The following ARHGAP31 variants were observed in gnomAD, a reference collection of about 807,000 sequenced individuals.
ARHGAP31 encodes the protein rho GTPase-activating protein 31.
A neutral mutation model predicts 113.9 loss-of-function variants in ARHGAP31; 34 were observed. The ratio of observed to expected loss-of-function variants is 0.30; its 90% confidence interval spans 0.23 to 0.40. ARHGAP31 has a LOEUF of 0.40. Ranked by LOEUF, ARHGAP31 falls within the 10% of genes least tolerant of loss-of-function variation. The probability of loss-of-function intolerance (pLI) is 1.00; values close to 1 mark genes in which losing one functional copy is unlikely to be tolerated. For missense variants in ARHGAP31, 1,548 were observed against 1,767.1 expected, an observed-to-expected ratio of 0.88 and a Z score of 2.22; for synonymous variants, 650 against 684.8, an observed-to-expected ratio of 0.95 and a Z score of 0.79.
rs534238975 is a variant in ARHGAP31 at position 119,394,824 on chromosome 3, A to G, written c.1006+1233A>G. Among the ~76,000 whole-genome samples the G allele has an allele frequency of 2.0e-5, 3 of 152,212 alleles. No homozygotes were observed. The South Asian group carries it at 6.2e-4, about 32-fold the overall frequency. ...AAATAAGAAAAAACAACAAAAGACA[A>G]TTTGGGGAACAAAGAGGGAAAATGT... On this transcript the variant is annotated intron_variant, in intron 8 of 11. Transcript: ENST00000264245.
intron 1 of ARHGAP31, among the ~76,000 whole-genome samples, chr3:119,356,139 A>G (rs77490602): frequency 0.073 from 11,114 of 152,262 alleles, 553 homozygotes; most frequent in Admixed American, 0.16. Context: ...ATATATTCCT[A>G]TAGTTCAAAA....
chr3:119,382,432 C>G, intron 5 of ARHGAP31, 33 bp downstream of exon 5: 1 of 1,588,240 alleles, frequency 6.3e-7, no homozygotes, highest in Non-Finnish European at 8.6e-7. Flanking sequence ...GTCACCAGCC[C>G]AGGGGGCTCA....
At position 119,294,813 on chromosome 3, in the gene ARHGAP31, G is replaced by A; in HGVS notation, c.-92G>A. On this transcript the variant is annotated 5_prime_UTR_variant, in exon 1 of 12. Transcript: ENST00000264245. The stretch of plus-strand genomic sequence containing the variant: ...CGATGCGGCCCCCCAGAGCCGCGGG[G>A]CAGCCGGTGATCTAGCCCGGGAGCC... 8.1e-7 allele frequency: 1 copy of A among 1,230,728 alleles called. No homozygotes were observed. Among genetic ancestry groups the A allele is most frequent in the South Asian group, 1.2e-5 (1 of 82,976 alleles). The allele number at this position is 1,230,728 out of a possible 1,614,324, so 76.2% of individuals were successfully genotyped here. A position where few individuals can be genotyped will look rare whatever the true frequency, so the allele number is the denominator to read the frequency against.
chr3:119,295,026 C>G (rs774285833), intron 1 of ARHGAP31, 22 bp downstream of exon 1: 6 of 1,606,838 alleles, frequency 3.7e-6, no homozygotes, highest in South Asian at 1.1e-5. Flanking sequence ...TGGCCTTTCT[C>G]CCCCGCCCCC....
At position 119,345,007 on chromosome 3, in the gene ARHGAP31, A is replaced by C. The variant is rs192470046; in HGVS notation, c.101-20309A>C. 9.9e-5 allele frequency among the ~76,000 whole-genome samples: 14 copies of C among 141,672 alleles called. No individual in the cohort carries two copies. In the South Asian group the frequency reaches 2.9e-3, roughly 30 times the overall value. The allele number at this position is 141,672 out of a possible 152,430, so 92.9% of individuals were successfully genotyped here. On this transcript the variant is annotated intron_variant, in intron 1 of 11. Coordinates refer to ENST00000264245, the MANE Select transcript of ARHGAP31 (RefSeq NM_020754.4). ...TTTCTTTTTTCTTTTTTTTTGAGGCAGAGTCTTTGCTCTGTCGCCCAGGCT... is the reference window on the plus strand; with the variant it reads ...TTTCTTTTTTCTTTTTTTTTGAGGCCGAGTCTTTGCTCTGTCGCCCAGGCT...
At chr3:119,413,256 G>C (rs1023147462) in intron 11 of ARHGAP31, among the ~76,000 whole-genome samples, 1 of 150,028 alleles carries the variant, frequency 6.7e-6, no homozygotes, top group Non-Finnish European at 1.5e-5. Context: ...GACAGGGGTT[G>C]CAGTGAGCTG....
intron 1 of ARHGAP31, among the ~76,000 whole-genome samples, chr3:119,301,236 A>ACTGGC (rs2079581977): frequency 6.6e-6 from 1 of 151,962 alleles, no homozygotes; most frequent in Non-Finnish European, 1.5e-5. Context: ...TTCTACCCGC[A>ACTGGC]CTGGCCGCCA....
intron 1 of ARHGAP31, among the ~76,000 whole-genome samples, chr3:119,317,124 A>T (rs2079739165): frequency 6.6e-6 from 1 of 152,088 alleles, no homozygotes; most frequent in Non-Finnish European, 1.5e-5. Flanking sequence ...GCTCAGCACT[A>T]ATATGTAATG....
chr3:119,384,354 G>A (rs1039437988), intron 6 of ARHGAP31, among the ~76,000 whole-genome samples: 18 of 152,084 alleles, frequency 1.2e-4, no homozygotes, highest in African/African-American at 3.9e-4. Context: ...AACCATTACC[G>A]CTGTCTAATG....
At chr3:119,400,432 C>T (rs2080591940) in intron 9 of ARHGAP31, among the ~76,000 whole-genome samples, 2 of 152,056 alleles carry the variant, frequency 1.3e-5, no homozygotes, top group South Asian at 4.2e-4. Flanking sequence ...TGAGATTGCG[C>T]CACTGCACTC....
At chr3:119,388,380 A>G (rs1171209143) in intron 6 of ARHGAP31, among the ~76,000 whole-genome samples, 1 of 149,530 alleles carries the variant, frequency 6.7e-6, no homozygotes, top group Non-Finnish European at 1.5e-5. Flanking sequence ...CCAGTGGGCA[A>G]ACAGGAAAGG....
At chr3:119,297,117 A>T (rs538144075) in intron 1 of ARHGAP31, among the ~76,000 whole-genome samples, 1 of 152,378 alleles carries the variant, frequency 6.6e-6, no homozygotes, top group African/African-American at 2.4e-5. Context: ...GAAATTAGAC[A>T]TGCATAATAT....
chr3:119,303,441 G>A (rs565341709), intron 1 of ARHGAP31, among the ~76,000 whole-genome samples: 2 of 152,180 alleles, frequency 1.3e-5, no homozygotes, highest in African/African-American at 4.8e-5. Flanking sequence ...TTCTTGGCAA[G>A]GCCCCAGAAC....
chr3:119,305,585 C>T (rs147437925), intron 1 of ARHGAP31, among the ~76,000 whole-genome samples: 50 of 152,248 alleles, frequency 3.3e-4, no homozygotes, highest in African/African-American at 9.9e-4. Flanking sequence ...ATACTTTTGG[C>T]GACAATTGTT....
intron 1 of ARHGAP31, among the ~76,000 whole-genome samples, chr3:119,302,591 C>A (rs1427018284): frequency 6.6e-6 from 1 of 152,130 alleles, no homozygotes; most frequent in East Asian, 1.9e-4. Context: ...TTTATACATG[C>A]AAAGTAATAT....
At chr3:119,373,533 G>A (rs545458161) in intron 3 of ARHGAP31, among the ~76,000 whole-genome samples, 16 of 151,954 alleles carry the variant, frequency 1.1e-4, no homozygotes, top group Admixed American at 6.6e-4. Flanking sequence ...GTGCGATCAC[G>A]GCTCACTGCA....
At position 119,414,579 on chromosome 3, in the gene ARHGAP31, G is replaced by A; in HGVS notation, c.2650G>A (p.Glu884Lys). The A allele has an allele frequency of 6.2e-7, 1 of 1,614,232 alleles. No homozygotes were observed. The highest frequency in any genetic ancestry group is 1.7e-5 in the Admixed American group (1 of 60,034). ...EEEDVTHSVQEPSDCDEDDTV... is the reference protein window; with the variant it reads ...EEEDVTHSVQKPSDCDEDDTV... ...GGAGGATGTAACCCATTCAGTACAG[G>A]AGCCTTCAGACTGTGACGAAGATGA... The change falls in exon 12 of 12, where the codon GAG (glutamate) becomes AAG (lysine). Residue 884 changes from glutamate to lysine, a missense_variant. Transcript: ENST00000264245.
chr3:119,399,679 G>A (rs1426057582), intron 9 of ARHGAP31, among the ~76,000 whole-genome samples: 1 of 152,226 alleles, frequency 6.6e-6, no homozygotes, highest in Non-Finnish European at 1.5e-5. Context: ...GTTTCCATAT[G>A]CTTTCGCTTC....
intron 3 of ARHGAP31, among the ~76,000 whole-genome samples, chr3:119,379,272 T>C (rs533339944): frequency 1.3e-5 from 2 of 152,102 alleles, no homozygotes; most frequent in East Asian, 1.9e-4. Flanking sequence ...ATTCTTGTAG[T>C]GTAATGGCAG....
Sources: allele counts gnomAD v4.1 joint callset (sites outside exome capture counted in the v4.1 genomes callset), GRCh38; gene constraint gnomAD v4.1.1; transcripts MANE v1.5; gene names NCBI Gene and HGNC (gene_info 2026-07-23, HGNC 2026-07-21).